B3GLCT: variants seen among roughly 807,000 people sequenced by gnomAD.
B3GLCT encodes beta 3-glucosyltransferase.
In B3GLCT, 65 loss-of-function variants were observed where a neutral mutation model predicts 63.4. That is an observed-to-expected ratio of 1.03 (90% CI 0.84 to 1.26). The LOEUF is 1.26. Ranked by LOEUF, B3GLCT falls within the 50% of genes most tolerant of loss-of-function variation. B3GLCT has a pLI of 0.00. For missense variants in B3GLCT, 577 were observed against 604.8 expected, an observed-to-expected ratio of 0.95 and a Z score of 0.48; for synonymous variants, 233 against 219.2, an observed-to-expected ratio of 1.06 and a Z score of -0.55.
chr13:31,259,370 A>G (rs1871902838), intron 6 of B3GLCT, among the ~76,000 whole-genome samples: 1 of 152,070 alleles, frequency 6.6e-6, no homozygotes, highest in Non-Finnish European at 1.5e-5. Context: ...GAAGGATTTA[A>G]TCTTCTGGGT....
chr13:31,253,203 A>G (rs1871523816), intron 6 of B3GLCT, among the ~76,000 whole-genome samples: 1 of 152,222 alleles, frequency 6.6e-6, no homozygotes, highest in Non-Finnish European at 1.5e-5. Context: ...TCTGGGACAC[A>G]TTTAAAGAAG....
intron 4 of B3GLCT, among the ~76,000 whole-genome samples, chr13:31,246,482 C>T (rs887070211): frequency 2.0e-5 from 3 of 152,118 alleles, no homozygotes; most frequent in African/African-American, 4.8e-5. Context: ...TTACATTTCT[C>T]GACCAAAACT....
At chr13:31,319,998 A>G (rs1052858326) in intron 13 of B3GLCT, among the ~76,000 whole-genome samples, 14 of 152,090 alleles carry the variant, frequency 9.2e-5, no homozygotes, top group African/African-American at 2.2e-4. Context: ...TCTCTCTTCC[A>G]TCAATACTTC....
chr13:31,324,945 G>A (rs369706642), intron 14 of B3GLCT, among the ~76,000 whole-genome samples: 2 of 152,032 alleles, frequency 1.3e-5, no homozygotes, highest in Admixed American at 6.6e-5. Flanking sequence ...GGACTCAAGC[G>A]ATCCTCCCAC....
intron 8 of B3GLCT, 77 bp downstream of exon 8, chr13:31,269,354 T>G: frequency 9.2e-7 from 1 of 1,092,602 alleles, no homozygotes; most frequent in Non-Finnish European, 1.4e-6. Context: ...TATTTTGCAT[T>G]CCCTAATCTT....
chr13:31,322,869 C>G (rs117290254), intron 13 of B3GLCT, among the ~76,000 whole-genome samples: 624 of 152,162 alleles, frequency 4.1e-3, no homozygotes, highest in Non-Finnish European at 7.0e-3. Flanking sequence ...CCAACGTGGC[C>G]GATTGGGTGT....
chr13:31,320,585 A>G (rs985112543), intron 13 of B3GLCT, among the ~76,000 whole-genome samples: 31 of 152,220 alleles, frequency 2.0e-4, no homozygotes, highest in African/African-American at 5.5e-4. Flanking sequence ...GAGTGTTACC[A>G]TGGCATGAAA....
At chr13:31,207,795 G>A (rs1869036181) in intron 1 of B3GLCT, among the ~76,000 whole-genome samples, 1 of 152,160 alleles carries the variant, frequency 6.6e-6, no homozygotes, top group African/African-American at 2.4e-5. Context: ...CAGTGTGGTG[G>A]GAGGCTTGGC....
chr13:31,276,294 C>T (rs975402163), intron 9 of B3GLCT, among the ~76,000 whole-genome samples: 4 of 152,206 alleles, frequency 2.6e-5, no homozygotes, highest in African/African-American at 9.6e-5. Context: ...AAAAAATCCC[C>T]CCTATTTCTC....
chr13:31,268,603 T>C (rs889560668), intron 7 of B3GLCT, among the ~76,000 whole-genome samples: 4 of 152,074 alleles, frequency 2.6e-5, no homozygotes, highest in African/African-American at 7.2e-5. Context: ...CAGATGTCCA[T>C]TGGGAGAGAA....
In B3GLCT at chr13:31,229,205, G is replaced by A. The variant is rs375667011; in HGVS notation, c.181G>A (p.Val61Ile). 9.8e-5 allele frequency: 158 copies of A among 1,608,628 alleles called. No homozygotes were observed. The highest frequency in any genetic ancestry group is 6.9e-4 in the African/African-American group (52 of 74,824). ...TCTAGACTTAAAAGGAATTGTATTCGTCATCCAGAGTCAAAGTAATTCTTT... is the reference window on the plus strand; with the variant it reads ...TCTAGACTTAAAAGGAATTGTATTCATCATCCAGAGTCAAAGTAATTCTTT... ...NDIDLKGIVF[V>I]IQSQSNSFHA... Residue 61 changes from valine to isoleucine, a missense_variant, in exon 4 of 15, where the codon GTC becomes ATC. Coordinates refer to ENST00000343307, the MANE Select transcript of B3GLCT (RefSeq NM_194318.4).
At chr13:31,202,748 T>C (rs1249466552) in intron 1 of B3GLCT, among the ~76,000 whole-genome samples, 1 of 152,178 alleles carries the variant, frequency 6.6e-6, no homozygotes, top group African/African-American at 2.4e-5. Context: ...TTGCTCTGTG[T>C]TATCCTCCTT....
intron 14 of B3GLCT, among the ~76,000 whole-genome samples, chr13:31,326,720 GAT>G (rs1370252313): frequency 1.3e-5 from 2 of 152,140 alleles, no homozygotes; most frequent in Admixed American, 6.5e-5. Context: ...TGGGCACAGA[GAT>G]ATGATTATTA....
chr13:31,203,615 G>A (rs890029519), intron 1 of B3GLCT, among the ~76,000 whole-genome samples: 5 of 152,160 alleles, frequency 3.3e-5, no homozygotes, highest in African/African-American at 1.2e-4. Context: ...ATAATTTTTA[G>A]GCATAAAGGT....
intron 7 of B3GLCT, 40 bp from the exon 8 acceptor site, chr13:31,269,174 T>G: frequency 7.1e-7 from 1 of 1,404,846 alleles, no homozygotes; most frequent in Non-Finnish European, 1.0e-6. Flanking sequence ...GCTTGACACT[T>G]CTTTTGGTTA....
chr13:31,266,203 T>G (rs2137840173), intron 7 of B3GLCT, among the ~76,000 whole-genome samples: 1 of 152,230 alleles, frequency 6.6e-6, no homozygotes, highest in African/African-American at 2.4e-5. Context: ...TTTCACCGTG[T>G]TAGCCAGGAT....
At chr13:31,200,219 C>G (rs964944265) in intron 1 of B3GLCT, 65 bp downstream of exon 1, 2 of 1,054,098 alleles carry the variant, frequency 1.9e-6, no homozygotes, top group Non-Finnish European at 2.3e-6. Context: ...GTCGCCCGTG[C>G]CCCGGTCGGC....
intron 6 of B3GLCT, among the ~76,000 whole-genome samples, chr13:31,253,881 C>G (rs1430873188): frequency 6.6e-6 from 1 of 152,068 alleles, no homozygotes; most frequent in African/African-American, 2.4e-5. Flanking sequence ...GAAATACAAA[C>G]TACTATCAGA....
intron 4 of B3GLCT, among the ~76,000 whole-genome samples, chr13:31,243,682 T>C (rs1871059795): frequency 6.6e-6 from 1 of 152,240 alleles, no homozygotes; most frequent in Non-Finnish European, 1.5e-5. Flanking sequence ...ATGTTGGTTT[T>C]AAATTTGTTT....
Sources: allele counts gnomAD v4.1 joint callset (sites outside exome capture counted in the v4.1 genomes callset), GRCh38; gene constraint gnomAD v4.1.1; transcripts MANE v1.5; gene names NCBI Gene and HGNC (gene_info 2026-07-23, HGNC 2026-07-21).